The following STX1A variants were observed in gnomAD, a reference collection of about 807,000 sequenced individuals.
The protein encoded by STX1A is syntaxin 1A, also known as syntaxin-1A.
In STX1A, 4 loss-of-function variants were observed where a neutral mutation model predicts 37.8. The observed-to-expected ratio is 0.11, with a 90% CI of 0.05 to 0.24. The LOEUF (loss-of-function observed/expected upper bound fraction) is 0.24, where lower values mean the gene tolerates loss of function less well. Among genes scored for constraint, STX1A ranks in the 10% least tolerant of loss-of-function variants. The pLI is 1.00. For missense variants in STX1A, 251 were observed against 399.9 expected, an observed-to-expected ratio of 0.63 and a Z score of 3.18; for synonymous variants, 135 against 147.4, an observed-to-expected ratio of 0.92 and a Z score of 0.61.
At position 73,706,778 on chromosome 7, in the gene STX1A, G is replaced by C. The variant is rs1413589668; in HGVS notation, c.209-1554C>G. ...TGACCCTGAGCAGGAACAGCCCACA[G>C]AGGGACACACAGTGACCCAGATACC... On this transcript the variant is annotated intron_variant, in intron 3 of 9. Coordinates refer to ENST00000222812, the MANE Select transcript of STX1A (RefSeq NM_004603.4). The surrounding 1 kb of genome is among the most constrained non-coding windows in gnomAD (Gnocchi z 4.6). Among the ~76,000 whole-genome samples, 2 of 152,162 alleles carry C rather than the reference G, an allele frequency of 1.3e-5. No homozygotes were observed. The highest frequency in any genetic ancestry group is 2.9e-5 in the Non-Finnish European group (2 of 68,034).
chr7:73,709,368 T>C lies in STX1A; in HGVS notation c.31-246A>G, dbSNP rs1799009907. 6.6e-6 allele frequency among the ~76,000 whole-genome samples: 1 copy of C among 151,926 alleles called. No homozygotes were observed. The highest frequency in any genetic ancestry group is 1.5e-5 in the Non-Finnish European group (1 of 67,998). ...GGTGTCAAGGCCAAGTCTCAGCCTCTGGGCCAGGGACTTCCTCCCTCACCT... is the reference window on the plus strand; with the variant it reads ...GGTGTCAAGGCCAAGTCTCAGCCTCCGGGCCAGGGACTTCCTCCCTCACCT... On this transcript the variant is annotated intron_variant, in intron 1 of 9. Coordinates refer to ENST00000222812, the MANE Select transcript of STX1A (RefSeq NM_004603.4). This position sits in a 1 kb window ranked among gnomAD's most constrained non-coding sequence, Gnocchi z 4.2.
intron 1 of STX1A, among the ~76,000 whole-genome samples, chr7:73,711,557 C>T (rs1370346612): frequency 6.6e-6 from 1 of 152,040 alleles, no homozygotes; most frequent in East Asian, 1.9e-4. Flanking sequence ...GAGCCGTTTT[C>T]ACGCTTTTAG....
rs188815336 is a variant in STX1A, at chr7:73,706,610, C to T, written c.209-1386G>A. On this transcript the variant is annotated intron_variant, in intron 3 of 9. Transcript: ENST00000222812. This position sits in a 1 kb window ranked among gnomAD's most constrained non-coding sequence, Gnocchi z 4.6. ...CTGTGCATGACACCGCAGCAGGAGA[C>T]GGTGCAGGAGGTGGCCTGCAGGAGC... 5.9e-5 allele frequency among the ~76,000 whole-genome samples: 9 copies of T among 152,228 alleles called. No individual in the cohort carries two copies. Among genetic ancestry groups the T allele is most frequent in the Middle Eastern group, 3.4e-3 (1 of 294 alleles).
intron 7 of STX1A, chr7:73,703,388 T>G: frequency 1.7e-6 from 1 of 574,892 alleles, no homozygotes; most frequent in South Asian, 1.5e-5. Context: ...GCCCCAAGCC[T>G]GCCTCGAACA....
At chr7:73,703,260 CA>C (rs1219428112) in intron 7 of STX1A, 1 of 562,208 alleles carries the variant, frequency 1.8e-6, no homozygotes, top group East Asian at 3.2e-5. Flanking sequence ...TCCTTATCAC[CA>C]GCATTTTGCA....
In STX1A at chr7:73,700,525, G is replaced by A; in HGVS notation, c.790-41C>T. Reference sequence around the variant, plus strand: ...GCAGGAGAGGCCTCAGACAGTGTTGGCGGCAGGTGGGGTGGGACTATGGCA... The same window carrying A: ...GCAGGAGAGGCCTCAGACAGTGTTGACGGCAGGTGGGGTGGGACTATGGCA... On this transcript the variant is annotated intron_variant, in intron 9 of 9. Transcript: ENST00000222812. This position sits in a 1 kb window ranked among gnomAD's most constrained non-coding sequence, Gnocchi z 4.4. 1.9e-6 allele frequency: 3 copies of A among 1,608,428 alleles called. No individual in the cohort carries two copies. The highest frequency in any genetic ancestry group is 1.7e-6 in the Non-Finnish European group (2 of 1,177,030).
chr7:73,719,632 G>C lies in STX1A; in HGVS notation c.-1C>G, dbSNP rs1314576262. 8.3e-7 allele frequency: 1 copy of C among 1,198,992 alleles called. No homozygotes were observed. Among genetic ancestry groups the C allele is most frequent in the East Asian group, 3.6e-5 (1 of 27,896 alleles). 74.3% of individuals were successfully genotyped at this position (1,198,992 alleles called of 1,614,324 possible). A position where few individuals can be genotyped will look rare whatever the true frequency, so the allele number is the denominator to read the frequency against. Reference sequence around the variant, plus strand: ...GGAGCTCCTGGGTTCGGTCCTTCATGCTCCCGGGAGTGGCAGCGGCGCCGG... The same window carrying C: ...GGAGCTCCTGGGTTCGGTCCTTCATCCTCCCGGGAGTGGCAGCGGCGCCGG... On this transcript the variant is annotated 5_prime_UTR_variant, in exon 1 of 10. Coordinates refer to ENST00000222812, the MANE Select transcript of STX1A (RefSeq NM_004603.4).
Position 73,702,091 on chromosome 7 carries a change from A to G in STX1A, c.678+754T>C, listed in dbSNP as rs1361073541. Among the ~76,000 whole-genome samples the G allele has an allele frequency of 2.6e-5, 4 of 152,140 alleles. No homozygotes were observed. The highest frequency in any genetic ancestry group is 9.7e-5 in the African/African-American group (4 of 41,436). On this transcript the variant is annotated intron_variant, in intron 8 of 9. Coordinates refer to ENST00000222812, the MANE Select transcript of STX1A (RefSeq NM_004603.4). The surrounding 1 kb of genome is among the most constrained non-coding windows in gnomAD (Gnocchi z 4.7). ...AGGACCTCCTTTTTCTGTTCCTGAA[A>G]TAAGTCTGGGTCTTGCTGGGCTTGG...
At chr7:73,703,054 CG>C in intron 7 of STX1A, 72 bp from the exon 8 acceptor site, 3 of 402,128 alleles carry the variant, frequency 7.5e-6, no homozygotes, top group Non-Finnish European at 7.9e-6. Flanking sequence ...AGGGGGAGGG[CG>C]TTTGGGGTGG....
Position 73,704,188 on chromosome 7 carries a change from G to A in STX1A, c.426C>T (p.Arg142=). The A allele has an allele frequency of 1.9e-6, 3 of 1,612,620 alleles. No individual in the cohort carries two copies. Among genetic ancestry groups the A allele is most frequent in the East Asian group, 2.2e-5 (1 of 44,838 alleles). The part of the protein sequence containing the change: ...SEYNATQSDY[R]ERCKGRIQRQ... ...TCTGGATGCGGCCTTTGCAGCGCTC[G>A]CGGTAGTCGGACTGCGTGGCGTTGT... Residue 142 remains arginine, a synonymous_variant, in exon 6 of 10, where the codon CGC becomes CGT. Coordinates refer to ENST00000222812, the MANE Select transcript of STX1A (RefSeq NM_004603.4).
chr7:73,700,619 A>G lies in STX1A; in HGVS notation c.789+111T>C. The stretch of plus-strand genomic sequence containing the variant: ...GGTGACGGCCTGGGAGGGGGCTGTC[A>G]TGGGGAGCTCCTGAGAGAAGGGAGA... On this transcript the variant is annotated intron_variant, in intron 9 of 9. Transcript: ENST00000222812. The surrounding 1 kb of genome is among the most constrained non-coding windows in gnomAD (Gnocchi z 4.4). 1 of 1,462,990 alleles carries G rather than the reference A, an allele frequency of 6.8e-7. No homozygotes were observed. Among genetic ancestry groups the G allele is most frequent in the African/African-American group, 1.4e-5 (1 of 71,466 alleles). The allele number at this position is 1,462,990 out of a possible 1,614,324, so 90.6% of individuals were successfully genotyped here. A position where few individuals can be genotyped will look rare whatever the true frequency, so the allele number is the denominator to read the frequency against.
chr7:73,705,350 C>G lies in STX1A; in HGVS notation c.209-126G>C. ...AAGATCCCTGTTCTCCCCTGTTCCCCTGGCTAAGGCTCTGCCTGCCCGCCC... is the reference window on the plus strand; with the variant it reads ...AAGATCCCTGTTCTCCCCTGTTCCCGTGGCTAAGGCTCTGCCTGCCCGCCC... On this transcript the variant is annotated intron_variant, in intron 3 of 9. Coordinates refer to ENST00000222812, the MANE Select transcript of STX1A (RefSeq NM_004603.4). The surrounding 1 kb of genome is among the most constrained non-coding windows in gnomAD (Gnocchi z 5.2). 1.3e-6 allele frequency: 1 copy of G among 775,850 alleles called. No individual in the cohort carries two copies. The highest frequency in any genetic ancestry group is 3.7e-4 in the Middle Eastern group (1 of 2,706). 48.1% of individuals were successfully genotyped at this position (775,850 alleles called of 1,614,324 possible). A position where few individuals can be genotyped will look rare whatever the true frequency, so the allele number is the denominator to read the frequency against.
rs1191492650 is a variant in STX1A at position 73,706,809 on chromosome 7, G to C, written c.209-1585C>G. 6.6e-6 allele frequency among the ~76,000 whole-genome samples: 1 copy of C among 152,196 alleles called. No homozygotes were observed. The highest frequency in any genetic ancestry group is 2.4e-5 in the African/African-American group (1 of 41,438). On this transcript the variant is annotated intron_variant, in intron 3 of 9. Transcript: ENST00000222812. This position sits in a 1 kb window ranked among gnomAD's most constrained non-coding sequence, Gnocchi z 4.6. ...CACACAGTGACCCAGATACCTCTGGGCGCACAGACATCCGTCTCATGCTGC... is the reference window on the plus strand; with the variant it reads ...CACACAGTGACCCAGATACCTCTGGCCGCACAGACATCCGTCTCATGCTGC...
At chr7:73,703,716 T>TG in intron 7 of STX1A, 39 bp downstream of exon 7, 1 of 1,601,276 alleles carries the variant, frequency 6.2e-7, no homozygotes, top group South Asian at 1.1e-5. Flanking sequence ...GGGAACATGG[T>TG]GAGGGGGTCA....
Position 73,700,476 on chromosome 7 carries a change from G to C in STX1A, c.798C>G (p.Ile266Met), listed in dbSNP as rs1295428295. ...KYQSKARRKK[I>M]MIIICCVILG... is the part of the protein sequence containing the mutation. ...GGATCACACAGCAGATGATGATCAT[G>C]ATTTTCTTCTGCATGGGAAGCGGGC... Residue 266 changes from isoleucine (I) to methionine (M), a missense_variant, in exon 10 of 10, where the codon ATC becomes ATG. Coordinates refer to ENST00000222812, the MANE Select transcript of STX1A (RefSeq NM_004603.4). This position sits in a 1 kb window ranked among gnomAD's most constrained non-coding sequence, Gnocchi z 4.4. 1.9e-6 allele frequency: 3 copies of C among 1,614,020 alleles called. No homozygotes were observed. Among genetic ancestry groups the C allele is most frequent in the Non-Finnish European group, 2.5e-6 (3 of 1,179,990 alleles).
rs1425866039 is a variant in STX1A at position 73,700,246 on chromosome 7, G to A, written c.*161C>T. The stretch of plus-strand genomic sequence containing the variant: ...ACAGAGATCATGCACACGACACGGG[G>A]CGGGGACGGAGGGCCCATGGCAGAG... On this transcript the variant is annotated 3_prime_UTR_variant, in exon 10 of 10. Transcript: ENST00000222812. This position sits in a 1 kb window ranked among gnomAD's most constrained non-coding sequence, Gnocchi z 4.4. The A allele has an allele frequency of 1.5e-6, 1 of 674,802 alleles. No homozygotes were observed. The highest frequency in any genetic ancestry group is 1.8e-5 in the African/African-American group (1 of 56,280). 41.8% of individuals were successfully genotyped at this position (674,802 alleles called of 1,614,324 possible).
chr7:73,711,998 G>A (rs1360678074), intron 1 of STX1A, among the ~76,000 whole-genome samples: 1 of 152,092 alleles, frequency 6.6e-6, no homozygotes. Flanking sequence ...AGAAGGGCTG[G>A]GAGGAGAGAT....
At chr7:73,704,760 GGTGGCCCCTCCTGCAGGGCAT>G (rs1233643999) in intron 4 of STX1A, 1 of 510,882 alleles carries the variant, frequency 2.0e-6, no homozygotes, top group Non-Finnish European at 3.6e-6. Flanking sequence ...GGGAGAGCCA[GGTGGCCCCTCCTGCAGGGCAT>G]GTGGCCCCGA....
Position 73,699,446 on chromosome 7 carries a change from G to A in STX1A, c.*961C>T, listed in dbSNP as rs1554615445. The A allele has an allele frequency of 6.5e-6, 1 of 152,716 alleles. No individual in the cohort carries two copies. Among genetic ancestry groups the A allele is most frequent in the Non-Finnish European group, 1.5e-5 (1 of 68,086 alleles). 9.5% of individuals were successfully genotyped at this position (152,716 alleles called of 1,614,324 possible). Reference sequence around the variant, plus strand: ...GCCTGTCCACAAGGGAGAGGGTCCTGGGGCGGGGGCACATTTCCCATGAGA... The same window carrying A: ...GCCTGTCCACAAGGGAGAGGGTCCTAGGGCGGGGGCACATTTCCCATGAGA... On this transcript the variant is annotated 3_prime_UTR_variant, in exon 10 of 10. Transcript: ENST00000222812.
Sources: gnomAD v4.1 joint callset for allele counts (sites outside exome capture counted in the v4.1 genomes callset) on GRCh38, gnomAD v4.1.1 for gene constraint, Gnocchi (gnomAD v3.1) non-coding constraint, MANE v1.5 for transcripts, NCBI Gene and HGNC (gene_info 2026-07-23, HGNC 2026-07-21) for gene names.